CCDC28B: variants seen among roughly 807,000 people sequenced by gnomAD.
The protein encoded by CCDC28B is coiled-coil domain-containing protein 28B.
A neutral mutation model predicts 18.7 loss-of-function variants in CCDC28B; 17 were observed. The observed-to-expected ratio is 0.91, with a 90% CI of 0.62 to 1.36. The LOEUF (loss-of-function observed/expected upper bound fraction) is 1.36, where lower values mean the gene tolerates loss of function less well. Among genes scored for constraint, CCDC28B ranks in the 40% most tolerant of loss-of-function variants. CCDC28B has a pLI of 0.00. For synonymous variants in CCDC28B, 116 were observed against 105.1 expected (o/e 1.10, Z -0.64); for missense variants, 213 against 251.7 (o/e 0.85, Z 1.04).
intron 5 of CCDC28B, chr1:32,204,842 T>C (rs1643268455): frequency 6.4e-7 from 1 of 1,551,080 alleles, no homozygotes; most frequent in South Asian, 1.2e-5. Context: ...GATCAAAATC[T>C]TTGTGAGTAC....
At chr1:32,202,130 G>T in intron 2 of CCDC28B, 31 bp downstream of exon 2, 1 of 1,611,460 alleles carries the variant, frequency 6.2e-7, no homozygotes, top group Non-Finnish European at 8.5e-7. Flanking sequence ...AAGGAGGAGG[G>T]ACCCCAACTC....
upstream of CCDC28B, among the ~76,000 whole-genome samples, chr1:32,199,454 TGAG>T (rs1351194068): frequency 6.6e-6 from 1 of 152,150 alleles, no homozygotes; most frequent in East Asian, 1.9e-4. Context: ...GTGAAGCAGC[TGAG>T]GATGGGAACC....
Position 32,204,387 on chromosome 1 carries a change from C to T in CCDC28B, c.525+8C>T. ...GACCAGCTGCTTAGCAATGTGGGTT[C>T]ATGTCTGGGTGCTTTGGTTCCTGGG... On this transcript the variant is annotated splice_region_variant and intron_variant, in intron 4 of 5. Transcript: ENST00000373602. 1 of 1,562,374 alleles carries T rather than the reference C, an allele frequency of 6.4e-7. No homozygotes were observed. The highest frequency in any genetic ancestry group is 8.7e-7 in the Non-Finnish European group (1 of 1,154,104).
At chr1:32,204,866 AATC>A (rs1643269909) in intron 5 of CCDC28B, 1 of 1,528,724 alleles carries the variant, frequency 6.5e-7, no homozygotes, top group Non-Finnish European at 8.8e-7. Context: ...AGCTGACATC[AATC>A]ATAGCAAAGC....
upstream of CCDC28B, among the ~76,000 whole-genome samples, chr1:32,198,719 G>C (rs866108277): frequency 6.6e-6 from 1 of 152,334 alleles, no homozygotes; most frequent in South Asian, 2.1e-4. Context: ...GTCATTTAGT[G>C]ATTAAATGGT....
At chr1:32,202,314 G>C in intron 2 of CCDC28B, 2 of 702,886 alleles carry the variant, frequency 2.8e-6, no homozygotes, top group Non-Finnish European at 5.1e-6. Flanking sequence ...CATAGCGTGA[G>C]GATTCGCCTC....
chr1:32,204,451 T>C (rs1387368249), intron 4 of CCDC28B, 72 bp downstream of exon 4: 2 of 1,518,194 alleles, frequency 1.3e-6, no homozygotes, highest in Non-Finnish European at 8.8e-7. Flanking sequence ...CCCAAAGCCA[T>C]TCCTGGGCCC....
chr1:32,200,211 ATG>A (rs1643117931), upstream of CCDC28B, among the ~76,000 whole-genome samples: 1 of 152,166 alleles, frequency 6.6e-6, no homozygotes, highest in African/African-American at 2.4e-5. Context: ...TGGGGATGAA[ATG>A]TATGTAAAGT....
At position 32,205,345 on chromosome 1, in the gene CCDC28B, G is replaced by C. The variant is rs1455033454; in HGVS notation, c.*97G>C. 8.0e-7 allele frequency: 1 copy of C among 1,249,384 alleles called. No homozygotes were observed. The highest frequency in any genetic ancestry group is 1.5e-5 in the South Asian group (1 of 67,790). 77.4% of individuals were successfully genotyped at this position (1,249,384 alleles called of 1,614,324 possible). A position where few individuals can be genotyped will look rare whatever the true frequency, so the allele number is the denominator to read the frequency against. On this transcript the variant is annotated 3_prime_UTR_variant, in exon 6 of 6. Transcript: ENST00000373602. This position sits in a 1 kb window ranked among gnomAD's most constrained non-coding sequence, Gnocchi z 5.6. ...GTTCTGCGGCCCCCCAGGTGCTATG[G>C]GGGAGGGGGGCGTTGAATGGAATTA... is the stretch of plus-strand genomic sequence containing the variant.
upstream of CCDC28B, among the ~76,000 whole-genome samples, chr1:32,199,560 GC>G (rs1384015834): frequency 6.6e-6 from 1 of 152,162 alleles, no homozygotes; most frequent in Non-Finnish European, 1.5e-5. Flanking sequence ...CCCAGTCTGG[GC>G]CCCTGGTTAT....
chr1:32,202,358 A>G (rs2124186517), intron 2 of CCDC28B: 2 of 655,112 alleles, frequency 3.1e-6, no homozygotes, highest in Non-Finnish European at 5.6e-6. Context: ...CAAGAAAGTG[A>G]ATGTTCCACG....
upstream of CCDC28B, among the ~76,000 whole-genome samples, chr1:32,199,159 G>A (rs1291244096): frequency 6.6e-6 from 1 of 152,150 alleles, no homozygotes; most frequent in Non-Finnish European, 1.5e-5. Context: ...CTGGGTCCTG[G>A]GTTGGTCAGG....
intron 4 of CCDC28B, 29 bp from the exon 5 acceptor site, chr1:32,204,569 G>A: frequency 6.5e-7 from 1 of 1,546,938 alleles, no homozygotes; most frequent in South Asian, 1.3e-5. Flanking sequence ...CCTCCTAACA[G>A]AAGCCTCCCT....
chr1:32,204,871 T>C, intron 5 of CCDC28B: 1 of 1,520,022 alleles, frequency 6.6e-7, no homozygotes, highest in Non-Finnish European at 8.8e-7. Flanking sequence ...ACATCAATCA[T>C]AGCAAAGCTT....
chr1:32,202,094 C>CA lies in CCDC28B; in HGVS notation c.161dup (p.Arg55GlufsTer33), dbSNP rs781011179. On this transcript the variant is annotated frameshift_variant, in exon 2 of 6. Transcript: ENST00000373602. LOFTEE classifies it high-confidence loss of function. ...CATCCCCCAAGCAGCGGGCCAAGTTCAAGAGGTGGGTACAGAAGGGAAGGA... is the reference window on the plus strand; with the variant it reads ...CATCCCCCAAGCAGCGGGCCAAGTTCAAAGAGGTGGGTACAGAAGGGAAGGA... The CA allele has an allele frequency of 1.1e-5, 17 of 1,612,344 alleles. No individual in the cohort carries two copies. Among genetic ancestry groups the CA allele is most frequent in the Non-Finnish European group, 1.3e-5 (15 of 1,179,176 alleles).
intron 1 of CCDC28B, among the ~76,000 whole-genome samples, chr1:32,200,920 T>C (rs1352822727): frequency 6.6e-6 from 1 of 152,176 alleles, no homozygotes; most frequent in African/African-American, 2.4e-5. Context: ...TGGGTCAAGC[T>C]GCTGCACGGA....
upstream of CCDC28B, chr1:32,197,596 A>T (rs1643051945): frequency 6.6e-6 from 1 of 152,290 alleles, no homozygotes; most frequent in South Asian, 2.1e-4. The surrounding 1 kb of genome is among the most constrained non-coding windows in gnomAD (Gnocchi z 4.6). Context: ...TCCATGAGTG[A>T]AGGCCAGTGT....
At chr1:32,203,613 G>A (rs1290642921) in intron 2 of CCDC28B, among the ~76,000 whole-genome samples, 1 of 152,182 alleles carries the variant, frequency 6.6e-6, no homozygotes, top group East Asian at 1.9e-4. Flanking sequence ...GAGGCACTCA[G>A]ACAGGAACCC....
intron 2 of CCDC28B, 130 bp downstream of exon 2, chr1:32,202,229 G>T (rs753668679): frequency 1.6e-6 from 2 of 1,214,338 alleles, no homozygotes; most frequent in Non-Finnish European, 2.4e-6. Flanking sequence ...AGACCCCTGA[G>T]AACTCAGAGC....
Sources: allele counts gnomAD v4.1 joint callset (sites outside exome capture counted in the v4.1 genomes callset), GRCh38; gene constraint gnomAD v4.1.1; non-coding constraint Gnocchi (gnomAD v3.1); transcripts MANE v1.5; gene names NCBI Gene and HGNC (gene_info 2026-07-23, HGNC 2026-07-21).